The following SKOR2 variants were observed in gnomAD, a reference collection of about 807,000 sequenced individuals.
SKOR2 encodes SKI family transcriptional corepressor 2, also known as LBX1 corepressor 1-like protein.
Under a neutral mutation model 69.1 loss-of-function variants are expected in SKOR2, and 47 were observed. The ratio of observed to expected loss-of-function variants is 0.68; its 90% confidence interval spans 0.54 to 0.87. The LOEUF is 0.87. Ranked by LOEUF, SKOR2 falls within the 40% of genes least tolerant of loss-of-function variation. The pLI is 0.00. For synonymous variants in SKOR2, 717 were observed against 672.6 expected, an observed-to-expected ratio of 1.07 and a Z score of -1.02; for missense variants, 1,404 against 1,472.2, an observed-to-expected ratio of 0.95 and a Z score of 0.76.
In SKOR2 at chr18:47,247,127, G is replaced by T; in HGVS notation, c.2057C>A (p.Pro686Gln). ...LLLLPPQPDE[P>Q]GSERHHPAPP... ...GGCCGGGTGGTGGCGCTCGGAACCC[G>T]GCTCGTCGGGCTGCGGGGGCAGCAG... The change falls in exon 2 of 9, where the codon CCG becomes CAG. Residue 686 changes from proline to glutamine, a missense_variant. Physicochemically the swap from Pro to Gln is moderately conservative, Grantham distance 76 (BLOSUM62 -1). Transcript: ENST00000425639. This position sits in a 1 kb window ranked among gnomAD's most constrained non-coding sequence, Gnocchi z 6.6. 2 of 1,286,896 alleles carry T rather than the reference G, an allele frequency of 1.6e-6. No homozygotes were observed. The highest frequency in any genetic ancestry group is 2.0e-6 in the Non-Finnish European group (2 of 1,025,616). The allele number at this position is 1,286,896 out of a possible 1,614,324, so 79.7% of individuals were successfully genotyped here.
rs907824008 is a variant in SKOR2 at position 47,215,823 on chromosome 18, A to C, written c.2986-3672T>G. Reference sequence around the variant, plus strand: ...GTTCAAAGGATGTGAATCTGGGTCTAGCCATTTATCATGTGCTCTGTGTTG... The same window carrying C: ...GTTCAAAGGATGTGAATCTGGGTCTCGCCATTTATCATGTGCTCTGTGTTG... On this transcript the variant is annotated intron_variant, in intron 7 of 8. Transcript: ENST00000425639. 4.9e-4 allele frequency among the ~76,000 whole-genome samples: 75 copies of C among 152,310 alleles called. 1 individual carries two copies. Among genetic ancestry groups the C allele is most frequent in the African/African-American group, 1.7e-3 (72 of 41,576 alleles).
chr18:47,218,048 T>C (rs577015468), intron 7 of SKOR2, among the ~76,000 whole-genome samples: 2 of 152,224 alleles, frequency 1.3e-5, no homozygotes, highest in African/African-American at 4.8e-5. Flanking sequence ...TCAAAAGACA[T>C]GAGATATTTT....
intron 8 of SKOR2, among the ~76,000 whole-genome samples, chr18:47,208,999 C>A (rs1052526124): frequency 6.6e-6 from 1 of 152,018 alleles, no homozygotes; most frequent in Non-Finnish European, 1.5e-5. Flanking sequence ...ATCTTTATGG[C>A]GTTATCAAGG....
At chr18:47,218,227 C>A (rs1266714511) in intron 7 of SKOR2, among the ~76,000 whole-genome samples, 1 of 152,092 alleles carries the variant, frequency 6.6e-6, no homozygotes, top group Non-Finnish European at 1.5e-5. Flanking sequence ...TTTTGCTATA[C>A]TCACCACCAC....
At chr18:47,221,231 A>AT (rs1284767159) in intron 6 of SKOR2, among the ~76,000 whole-genome samples, 3 of 152,070 alleles carry the variant, frequency 2.0e-5, no homozygotes, top group African/African-American at 4.8e-5. Flanking sequence ...GTTCTAATTA[A>AT]TTTTTTTAAA....
chr18:47,239,608 A>G (rs1013696950), intron 4 of SKOR2, among the ~76,000 whole-genome samples: 3 of 152,208 alleles, frequency 2.0e-5, no homozygotes, highest in Non-Finnish European at 2.9e-5. Context: ...GAGTTTTAGA[A>G]CTGGTCTTGT....
intron 7 of SKOR2, among the ~76,000 whole-genome samples, chr18:47,212,585 G>A (rs551893834): frequency 2.2e-4 from 33 of 152,204 alleles, no homozygotes; most frequent in African/African-American, 5.5e-4. Context: ...TATAACAGAC[G>A]TAATTTCTTT....
chr18:47,232,089 T>A (rs945610295), intron 4 of SKOR2, among the ~76,000 whole-genome samples: 6 of 147,480 alleles, frequency 4.1e-5, no homozygotes, highest in African/African-American at 1.5e-4. Context: ...TAGTGAGCTG[T>A]GATTGCACTA....
At chr18:47,241,872 G>A (rs1443420221) in intron 4 of SKOR2, among the ~76,000 whole-genome samples, 1 of 152,134 alleles carries the variant, frequency 6.6e-6, no homozygotes, top group Non-Finnish European at 1.5e-5. Flanking sequence ...TGTGGAACAA[G>A]TTTCTCTGGG....
Position 47,250,015 on chromosome 18 carries a change from T to G in SKOR2, c.-47-785A>C, listed in dbSNP as rs555847362. Among the ~76,000 whole-genome samples the G allele has an allele frequency of 1.1e-4, 17 of 152,332 alleles. No individual in the cohort carries two copies. The South Asian group carries it at 3.5e-3, about 32-fold the overall frequency. Reference sequence around the variant, plus strand: ...AGATGGTAGTCATTTAAAAACTGTTTTACTGTCATTTCCATGACGATAAGA... The same window carrying G: ...AGATGGTAGTCATTTAAAAACTGTTGTACTGTCATTTCCATGACGATAAGA... On this transcript the variant is annotated intron_variant, in intron 1 of 8. Transcript: ENST00000425639.
chr18:47,243,392 G>T (rs1437082079), intron 4 of SKOR2, among the ~76,000 whole-genome samples: 2 of 152,200 alleles, frequency 1.3e-5, no homozygotes, highest in South Asian at 4.1e-4. Flanking sequence ...TCATATTCAT[G>T]AATGTGTTGT....
At chr18:47,222,075 C>T (rs1329941197) in intron 6 of SKOR2, among the ~76,000 whole-genome samples, 2 of 152,142 alleles carry the variant, frequency 1.3e-5, no homozygotes, top group Non-Finnish European at 2.9e-5. Flanking sequence ...AATCCCAGCC[C>T]TTTGGGAGGC....
Position 47,241,943 on chromosome 18 carries a change from C to T in SKOR2, c.2752+2965G>A, listed in dbSNP as rs539782178. Among the ~76,000 whole-genome samples the T allele has an allele frequency of 1.3e-3, 204 of 152,272 alleles. 1 individual carries two copies. The highest frequency in any genetic ancestry group is 4.6e-3 in the African/African-American group (191 of 41,564). On this transcript the variant is annotated intron_variant, in intron 4 of 8. Coordinates refer to ENST00000425639, the MANE Select transcript of SKOR2 (RefSeq NM_001278063.4). The stretch of plus-strand genomic sequence containing the variant: ...TAGCAATATTTCAATAGTATCACTA[C>T]GTGTTATTACCAATATAACTATTGA...
rs775754537 is a variant in SKOR2, at chr18:47,248,615, G to T, written c.569C>A (p.Ser190Tyr). The T allele has an allele frequency of 9.8e-5, 151 of 1,547,630 alleles. No individual in the cohort carries two copies. Among genetic ancestry groups the T allele is most frequent in the Middle Eastern group, 1.7e-4 (1 of 6,018 alleles). The change falls in exon 2 of 9, where the codon TCC becomes TAC. Residue 190 changes from serine to tyrosine, a missense_variant. Around this residue, in one of 3 missense-constraint regions of SKOR2, gnomAD observed 1,266 missense variants for 1,309.9 expected, o/e 0.97. Coordinates refer to ENST00000425639, the MANE Select transcript of SKOR2 (RefSeq NM_001278063.4). The surrounding 1 kb of genome is among the most constrained non-coding windows in gnomAD (Gnocchi z 6.4). ...YFSPNKFIFH[S>Y]HRTPDAKYTQ... ...GTACTTGGCGTCGGGCGTGCGGTGG[G>T]AGTGGAAAATGAACTTGTTGGGCGA...
At chr18:47,213,303 G>T (rs1370514099) in intron 7 of SKOR2, among the ~76,000 whole-genome samples, 1 of 150,404 alleles carries the variant, frequency 6.6e-6, no homozygotes, top group Non-Finnish European at 1.5e-5. Context: ...GTGAAATATG[G>T]CTGTTAAGTA....
rs1177561220 is a variant in SKOR2, at chr18:47,251,654, T to G, written c.-328A>C. On this transcript the variant is annotated 5_prime_UTR_variant, in exon 1 of 9. Coordinates refer to ENST00000425639, the MANE Select transcript of SKOR2 (RefSeq NM_001278063.4). Reference sequence around the variant, plus strand: ...AAGTGGAGCGCAGTCTGACAGCGTCTGTCTCTGAACTCGTGTCGGACCGAG... The same window carrying G: ...AAGTGGAGCGCAGTCTGACAGCGTCGGTCTCTGAACTCGTGTCGGACCGAG... 1 of 152,138 alleles carries G rather than the reference T, an allele frequency of 6.6e-6. No individual in the cohort carries two copies. The highest frequency in any genetic ancestry group is 1.5e-5 in the Non-Finnish European group (1 of 68,024). The allele number at this position is 152,138 out of a possible 1,614,324, so 9.4% of individuals were successfully genotyped here.
Position 47,248,116 on chromosome 18 carries a change from A to G in SKOR2, c.1068T>C (p.Cys356=), listed in dbSNP as rs2064290992. The G allele has an allele frequency of 7.5e-7, 1 of 1,329,142 alleles. No homozygotes were observed. The highest frequency in any genetic ancestry group is 9.6e-7 in the Non-Finnish European group (1 of 1,047,016). The allele number at this position is 1,329,142 out of a possible 1,614,324, so 82.3% of individuals were successfully genotyped here. A position where few individuals can be genotyped will look rare whatever the true frequency, so the allele number is the denominator to read the frequency against. ...CCGCGCCCACGCCCACGCCGGCCAC[A>G]CAGCCACCCCCAGCGCCGCCCCCAC... ...GTGGGGAGGG[C]VAGVGVGAGA... Residue 356 remains cysteine (C), a synonymous_variant, in exon 2 of 9, where the codon TGT becomes TGC. Coordinates refer to ENST00000425639, the MANE Select transcript of SKOR2 (RefSeq NM_001278063.4). This position sits in a 1 kb window ranked among gnomAD's most constrained non-coding sequence, Gnocchi z 6.4.
chr18:47,242,024 A>C (rs2064251159), intron 4 of SKOR2, among the ~76,000 whole-genome samples: 1 of 152,178 alleles, frequency 6.6e-6, no homozygotes, highest in African/African-American at 2.4e-5. Context: ...ACCGATCCTG[A>C]CTGTACTTTT....
chr18:47,222,813 A>C (rs1055635289), intron 6 of SKOR2, among the ~76,000 whole-genome samples: 1 of 152,232 alleles, frequency 6.6e-6, no homozygotes, highest in African/African-American at 2.4e-5. Flanking sequence ...GGGAACAGCT[A>C]AGGGCAATTC....
Sources: allele counts gnomAD v4.1 joint callset (sites outside exome capture counted in the v4.1 genomes callset), GRCh38; gene constraint gnomAD v4.1.1; regional missense constraint gnomAD v4.1.1; non-coding constraint Gnocchi (gnomAD v3.1); transcripts MANE v1.5; gene names NCBI Gene and HGNC (gene_info 2026-07-23, HGNC 2026-07-21).